The following USP6NL variants were observed in gnomAD, a reference collection of about 807,000 sequenced individuals.
USP6NL encodes USP6 N-terminal-like protein.
A neutral mutation model predicts 61.9 loss-of-function variants in USP6NL; 26 were observed. The observed-to-expected ratio is 0.42, with a 90% CI of 0.31 to 0.58. The LOEUF (loss-of-function observed/expected upper bound fraction) is 0.58, where lower values mean the gene tolerates loss of function less well. Ranked by LOEUF, USP6NL falls within the 20% of genes least tolerant of loss-of-function variation. USP6NL has a pLI of 0.16. For missense variants in USP6NL, 1,114 were observed against 1,034.3 expected (o/e 1.08, Z -1.06); for synonymous variants, 432 against 390.1 (o/e 1.11, Z -1.27).
Position 11,460,530 on chromosome 10 carries a change from T to C in USP6NL, c.*1911A>G, listed in dbSNP as rs1308980963. The C allele has an allele frequency of 6.6e-6, 1 of 150,834 alleles. No homozygotes were observed. The highest frequency in any genetic ancestry group is 2.4e-5 in the African/African-American group (1 of 41,242). 9.3% of individuals were successfully genotyped at this position (150,834 alleles called of 1,614,324 possible). A position where few individuals can be genotyped will look rare whatever the true frequency, so the allele number is the denominator to read the frequency against. On this transcript the variant is annotated 3_prime_UTR_variant, in exon 15 of 15. Transcript: ENST00000609104. ...CAAAATATACTTATTACTTTTAGCA[T>C]GTTAAAAAACAATCACATCAAAAAA...
chr10:11,526,638 C>T (rs1835432286), intron 3 of USP6NL, among the ~76,000 whole-genome samples: 1 of 152,174 alleles, frequency 6.6e-6, no homozygotes, highest in Non-Finnish European at 1.5e-5. Context: ...GGAAGCAGGA[C>T]ACAGTGCAGG....
In USP6NL at chr10:11,489,222, C is replaced by T. The variant is rs545167884; in HGVS notation, c.544G>A (p.Glu182Lys). The change falls in exon 10 of 15, where the codon GAA becomes AAA. Residue 182 changes from glutamate (E) to lysine (K), a missense_variant and splice_region_variant. Physicochemically the swap from Glu to Lys is moderately conservative, Grantham distance 56 (BLOSUM62 1). Transcript: ENST00000609104. This position sits in a 1 kb window ranked among gnomAD's most constrained non-coding sequence, Gnocchi z 5.7. Reference sequence around the variant, plus strand: ...CTCATCCCCTGACAATACCCGACTTCCTGGGGAGCAAAGGGGAACACAGAA... The same window carrying T: ...CTCATCCCCTGACAATACCCGACTTTCTGGGGAGCAAAGGGGAACACAGAA... ...VLAAYSIYNT[E>K]VGYCQGMSQI... 1.2e-6 allele frequency: 2 copies of T among 1,613,678 alleles called. No homozygotes were observed. Among genetic ancestry groups the T allele is most frequent in the Admixed American group, 1.7e-5 (1 of 60,012 alleles).
chr10:11,526,102 A>ATGCTCCTC (rs879910384), intron 3 of USP6NL, among the ~76,000 whole-genome samples: 8,608 of 152,034 alleles, frequency 0.057, 365 homozygotes, highest in East Asian at 0.16. Context: ...ATGCTCCATC[A>ATGCTCCTC]ACTCTTCTAA....
chr10:11,540,104 C>A lies in USP6NL; in HGVS notation c.5-12537G>T, dbSNP rs1234926217. Reference sequence around the variant, plus strand: ...TTCTGCTAGTCCTTACATTTCTTCCCACAGAAACAAATCTATGTGATTCCT... The same window carrying A: ...TTCTGCTAGTCCTTACATTTCTTCCAACAGAAACAAATCTATGTGATTCCT... On this transcript the variant is annotated intron_variant, in intron 2 of 14. Coordinates refer to ENST00000609104, the MANE Select transcript of USP6NL (RefSeq NM_014688.5). The surrounding 1 kb of genome is among the most constrained non-coding windows in gnomAD (Gnocchi z 5.0). Among the ~76,000 whole-genome samples the A allele has an allele frequency of 6.6e-6, 1 of 152,146 alleles. No homozygotes were observed. Among genetic ancestry groups the A allele is most frequent in the Non-Finnish European group, 1.5e-5 (1 of 68,016 alleles).
chr10:11,539,271 C>T (rs1835956295), intron 2 of USP6NL, among the ~76,000 whole-genome samples: 1 of 152,168 alleles, frequency 6.6e-6, no homozygotes, highest in Admixed American at 6.5e-5. Context: ...ACCCAGTGGG[C>T]AGGTCTAAGT....
In USP6NL at chr10:11,571,691, T is replaced by C. The variant is rs986921543; in HGVS notation, c.4+25940A>G. 3.3e-5 allele frequency among the ~76,000 whole-genome samples: 5 copies of C among 151,936 alleles called. No individual in the cohort carries two copies. The East Asian group carries it at 9.6e-4, about 29-fold the overall frequency. On this transcript the variant is annotated intron_variant, in intron 2 of 14. Transcript: ENST00000609104. Reference sequence around the variant, plus strand: ...CTTCTTAGGGGTCAGTGTTTTATATTTGTCCATATGACTTTTTTTTTCAAG... The same window carrying C: ...CTTCTTAGGGGTCAGTGTTTTATATCTGTCCATATGACTTTTTTTTTCAAG...
chr10:11,555,227 C>G (rs1836646431), intron 2 of USP6NL, among the ~76,000 whole-genome samples: 1 of 146,608 alleles, frequency 6.8e-6, no homozygotes, highest in African/African-American at 2.5e-5. Context: ...ACCGGCCTGG[C>G]CAACATGGCA....
At position 11,470,993 on chromosome 10, in the gene USP6NL, G is replaced by A. The variant is rs547691236; in HGVS notation, c.1079-7144C>T. 4.6e-4 allele frequency among the ~76,000 whole-genome samples: 70 copies of A among 152,280 alleles called. No individual in the cohort carries two copies. Among genetic ancestry groups the A allele is most frequent in the African/African-American group, 1.4e-3 (58 of 41,564 alleles). On this transcript the variant is annotated intron_variant, in intron 14 of 14. Coordinates refer to ENST00000609104, the MANE Select transcript of USP6NL (RefSeq NM_014688.5). The surrounding 1 kb of genome is among the most constrained non-coding windows in gnomAD (Gnocchi z 5.4). ...GAGGTCAGGAGATGGAGACCATCCCGGCCAACATGGTGAAACCCAGTCTCT... is the reference window on the plus strand; with the variant it reads ...GAGGTCAGGAGATGGAGACCATCCCAGCCAACATGGTGAAACCCAGTCTCT...
chr10:11,524,676 T>C (rs925564733), intron 4 of USP6NL, among the ~76,000 whole-genome samples: 2 of 152,222 alleles, frequency 1.3e-5, no homozygotes, highest in African/African-American at 4.8e-5. Context: ...CTGGCTTTTT[T>C]TCCTATTTAT....
Position 11,485,384 on chromosome 10 carries a change from T to C in USP6NL, c.760-150A>G. 2 of 636,402 alleles carry C rather than the reference T, an allele frequency of 3.1e-6. No homozygotes were observed. The highest frequency in any genetic ancestry group is 4.3e-4 in the Middle Eastern group (1 of 2,338). 39.4% of individuals were successfully genotyped at this position (636,402 alleles called of 1,614,324 possible). A position where few individuals can be genotyped will look rare whatever the true frequency, so the allele number is the denominator to read the frequency against. On this transcript the variant is annotated intron_variant, in intron 11 of 14. Transcript: ENST00000609104. The surrounding 1 kb of genome is among the most constrained non-coding windows in gnomAD (Gnocchi z 4.8). Reference sequence around the variant, plus strand: ...TCCAAGAATAAATTCCTCTTAGGACTGTAATACAACAATTAGATTCTCTTT... The same window carrying C: ...TCCAAGAATAAATTCCTCTTAGGACCGTAATACAACAATTAGATTCTCTTT...
chr10:11,608,142 A>G (rs1275492550), intron 1 of USP6NL, among the ~76,000 whole-genome samples: 1 of 152,252 alleles, frequency 6.6e-6, no homozygotes, highest in East Asian at 1.9e-4. Flanking sequence ...AACCAAGACT[A>G]TCCTGATATT....
Position 11,585,241 on chromosome 10 carries a change from CCTTGAGCAA to C in USP6NL, c.4+12381_4+12389del, listed in dbSNP as rs1837922405. Among the ~76,000 whole-genome samples the C allele has an allele frequency of 6.6e-6, 1 of 152,080 alleles. No homozygotes were observed. The highest frequency in any genetic ancestry group is 1.5e-5 in the Non-Finnish European group (1 of 68,016). On this transcript the variant is annotated intron_variant, in intron 2 of 14. Transcript: ENST00000609104. This position sits in a 1 kb window ranked among gnomAD's most constrained non-coding sequence, Gnocchi z 4.5. ...TAGGAGGATATGGAGAAAATGGAAT[CCTTGAGCAA>C]TGTAAGCCGGTGCAACCACTATGGA...
rs1250369875 is a variant in USP6NL at position 11,592,726 on chromosome 10, G to A, written c.4+4905C>T. Among the ~76,000 whole-genome samples, 2 of 152,152 alleles carry A rather than the reference G, an allele frequency of 1.3e-5. No individual in the cohort carries two copies. The highest frequency in any genetic ancestry group is 2.4e-5 in the African/African-American group (1 of 41,442). On this transcript the variant is annotated intron_variant, in intron 2 of 14. Coordinates refer to ENST00000609104, the MANE Select transcript of USP6NL (RefSeq NM_014688.5). The surrounding 1 kb of genome is among the most constrained non-coding windows in gnomAD (Gnocchi z 4.7). ...TCTATCTAGATAGGCTACTGTCCTA[G>A]AGAGTTTTAGCCAGTACTTATGGGA...
chr10:11,462,688 G>A lies in USP6NL; in HGVS notation c.2240C>T (p.Thr747Met), dbSNP rs41291253. Residue 747 changes from threonine to methionine, a missense_variant, in exon 15 of 15, where the codon ACG becomes ATG. By Grantham distance (81) the Thr-to-Met change is moderately conservative. Transcript: ENST00000609104. ...SEVSYTYRPETQGQSWTRDAS... is the reference protein window; with the variant it reads ...SEVSYTYRPEMQGQSWTRDAS... Reference sequence around the variant, plus strand: ...ATCTCGGGTCCATGATTGTCCCTGCGTCTCAGGTCTGTATGTATAACTAAC... The same window carrying A: ...ATCTCGGGTCCATGATTGTCCCTGCATCTCAGGTCTGTATGTATAACTAAC... 3.0e-3 allele frequency: 4,808 copies of A among 1,613,938 alleles called. 8 individuals are homozygous for A. The highest frequency in any genetic ancestry group is 3.2e-3 in the Non-Finnish European group (3,790 of 1,179,882).
rs72777675 is a variant in USP6NL, at chr10:11,597,218, T to G, written c.4+413A>C. ...TGTTCTATCAGAGACATTGATAGAT[T>G]GTTAGGGGTTTTTTTTCCCTTAAAT... On this transcript the variant is annotated intron_variant, in intron 2 of 14. Transcript: ENST00000609104. This position sits in a 1 kb window ranked among gnomAD's most constrained non-coding sequence, Gnocchi z 4.6. 6.6e-6 allele frequency among the ~76,000 whole-genome samples: 1 copy of G among 152,288 alleles called. No homozygotes were observed. Among genetic ancestry groups the G allele is most frequent in the Non-Finnish European group, 1.5e-5 (1 of 68,008 alleles).
At chr10:11,509,944 T>C (rs899329047) in intron 5 of USP6NL, among the ~76,000 whole-genome samples, 1 of 152,222 alleles carries the variant, frequency 6.6e-6, no homozygotes, top group African/African-American at 2.4e-5. Flanking sequence ...ATATTGTGTA[T>C]TCTACAAATT....
chr10:11,550,756 A>G (rs933068591), intron 2 of USP6NL, among the ~76,000 whole-genome samples: 1 of 152,062 alleles, frequency 6.6e-6, no homozygotes, highest in African/African-American at 2.4e-5. Flanking sequence ...ACTCCGTCTC[A>G]AAAAATAAAT....
At chr10:11,555,433 A>AATATATATATATAT (rs1157927483) in intron 2 of USP6NL, among the ~76,000 whole-genome samples, 29 of 48,996 alleles carry the variant, frequency 5.9e-4, no homozygotes, top group East Asian at 9.0e-4. Flanking sequence ...AAAAAAAAAA[A>AATATATATATATAT]ATATATATAT....
chr10:11,506,605 C>T (rs1033775212), intron 6 of USP6NL, among the ~76,000 whole-genome samples: 9 of 151,464 alleles, frequency 5.9e-5, no homozygotes, highest in South Asian at 4.2e-4. Context: ...ACTATAATTG[C>T]GCAACTGCAC....
Sources: gnomAD v4.1 joint callset for allele counts (sites outside exome capture counted in the v4.1 genomes callset) on GRCh38, gnomAD v4.1.1 for gene constraint, Gnocchi (gnomAD v3.1) non-coding constraint, MANE v1.5 for transcripts, NCBI Gene and HGNC (gene_info 2026-07-23, HGNC 2026-07-21) for gene names.